Variants in HMGCLL1 observed in about 807,000 individuals in gnomAD.
HMGCLL1 encodes the protein 3-hydroxy-3-methylglutaryl-CoA lyase like 1.
Under a neutral mutation model 39.1 loss-of-function variants are expected in HMGCLL1, and 36 were observed. The ratio of observed to expected loss-of-function variants is 0.92; its 90% CI spans 0.71 to 1.22. The LOEUF is 1.22. Ranked by LOEUF, HMGCLL1 falls within the 50% of genes most tolerant of loss-of-function variation. The probability of loss-of-function intolerance (pLI) is 0.00; values close to 1 mark genes in which losing one functional copy is unlikely to be tolerated. For missense variants in HMGCLL1, 451 were observed against 416.5 expected (o/e 1.08, Z -0.72); for synonymous variants, 149 against 144.0 (o/e 1.03, Z -0.25).
chr6:55,642,985 G>A, the HMGCLL1 span, among the ~76,000 whole-genome samples: 3 of 151,960 alleles, frequency 2.0e-5, no homozygotes, highest in African/African-American at 7.2e-5. Flanking sequence ...TCTTCTTTAT[G>A]GCTGCATATT....
chr6:55,471,796 T>C (rs1343068098), intron 7 of HMGCLL1, among the ~76,000 whole-genome samples: 6 of 151,490 alleles, frequency 4.0e-5, no homozygotes, highest in Non-Finnish European at 8.9e-5. Flanking sequence ...GGTCAGAAAA[T>C]TGAACATTAG....
intron 1 of HMGCLL1, among the ~76,000 whole-genome samples, chr6:55,575,016 G>T (rs1476900719): frequency 6.6e-6 from 1 of 151,892 alleles, no homozygotes; most frequent in African/African-American, 2.4e-5. Context: ...TTGCAAAAGG[G>T]CATTAATATG....
chr6:55,625,965 C>G, the HMGCLL1 span, among the ~76,000 whole-genome samples: 1 of 152,164 alleles, frequency 6.6e-6, no homozygotes, highest in Admixed American at 6.5e-5. Flanking sequence ...TCCATGGACC[C>G]ATGAACAAAG....
At chr6:55,546,407 A>C (rs1165106774) in intron 1 of HMGCLL1, among the ~76,000 whole-genome samples, 1 of 152,074 alleles carries the variant, frequency 6.6e-6, no homozygotes, top group African/African-American at 2.4e-5. Flanking sequence ...AAACCCTCAG[A>C]GTTATCAAAA....
At chr6:55,667,655 A>G in the HMGCLL1 span, among the ~76,000 whole-genome samples, 1 of 151,822 alleles carries the variant, frequency 6.6e-6, no homozygotes, top group African/African-American at 2.4e-5. Flanking sequence ...AGAATCATAA[A>G]AAGGAAACAT....
intron 1 of HMGCLL1, among the ~76,000 whole-genome samples, chr6:55,542,845 A>G (rs1308821455): frequency 7.2e-6 from 1 of 139,180 alleles, no homozygotes; most frequent in Non-Finnish European, 1.5e-5. Flanking sequence ...TGTATTATAT[A>G]TAAATATATA....
chr6:55,471,823 T>C (rs941192359), intron 7 of HMGCLL1, among the ~76,000 whole-genome samples: 2 of 151,810 alleles, frequency 1.3e-5, no homozygotes, highest in Admixed American at 1.3e-4. Flanking sequence ...GTTCTCATGC[T>C]GCTCTCACAC....
intron 6 of HMGCLL1, among the ~76,000 whole-genome samples, chr6:55,497,899 A>T (rs938843645): frequency 5.3e-5 from 8 of 152,160 alleles, no homozygotes; most frequent in African/African-American, 1.9e-4. Context: ...AGAAAGCAAA[A>T]ACTGAGGAGG....
At chr6:55,529,989 C>G (rs1043984028) in intron 3 of HMGCLL1, among the ~76,000 whole-genome samples, 2 of 149,282 alleles carry the variant, frequency 1.3e-5, no homozygotes, top group Admixed American at 6.8e-5. Flanking sequence ...TTTTGTATTG[C>G]TCTACCAGAA....
chr6:55,628,166 G>GTATATATACTA, the HMGCLL1 span, among the ~76,000 whole-genome samples: 1 of 53,522 alleles, frequency 1.9e-5, no homozygotes, highest in African/African-American at 8.3e-5. Context: ...TATATATATA[G>GTATATATACTA]TATATATACT....
rs1296452099 is a variant in HMGCLL1 at position 55,439,591 on chromosome 6, T to C, written c.796-32A>G. ...AACAAACCAAACCACCTAAAGCTTG[T>C]GTGTTTATGGCATGTAAATTGTTGC... On this transcript the variant is annotated intron_variant, in intron 7 of 8. Transcript: ENST00000274901. 1.9e-6 allele frequency: 3 copies of C among 1,605,074 alleles called. No individual in the cohort carries two copies. In the East Asian group the frequency reaches 6.7e-5, roughly 36 times the overall value.
chr6:55,559,264 A>C (rs1364676205), intron 1 of HMGCLL1, among the ~76,000 whole-genome samples: 1 of 152,182 alleles, frequency 6.6e-6, no homozygotes, highest in African/African-American at 2.4e-5. Context: ...TAATTTGCCC[A>C]AATTTGTTTG....
chr6:55,481,197 T>C (rs551709361), intron 7 of HMGCLL1, among the ~76,000 whole-genome samples: 4 of 152,004 alleles, frequency 2.6e-5, no homozygotes, highest in African/African-American at 9.6e-5. Flanking sequence ...CCTGGGCAAC[T>C]TGTGAGACCC....
At chr6:55,553,219 G>GTA (rs1184808443) in intron 1 of HMGCLL1, among the ~76,000 whole-genome samples, 12 of 142,660 alleles carry the variant, frequency 8.4e-5, no homozygotes, top group Admixed American at 2.8e-4. Flanking sequence ...ACACATATAT[G>GTA]TATATATATA....
At chr6:55,574,918 T>A (rs553670963) in intron 1 of HMGCLL1, among the ~76,000 whole-genome samples, 1 of 152,130 alleles carries the variant, frequency 6.6e-6, no homozygotes, top group Non-Finnish European at 1.5e-5. Flanking sequence ...ATAAATTTAA[T>A]CTCACATAAT....
At chr6:55,477,533 A>G in intron 7 of HMGCLL1, among the ~76,000 whole-genome samples, 1 of 120,452 alleles carries the variant, frequency 8.3e-6, no homozygotes, top group South Asian at 2.3e-4. Flanking sequence ...TATATATATA[A>G]TATATATAAA....
At chr6:55,626,302 A>G in the HMGCLL1 span, among the ~76,000 whole-genome samples, 2 of 152,110 alleles carry the variant, frequency 1.3e-5, no homozygotes, top group Non-Finnish European at 2.9e-5. Context: ...ATCCGCTGTC[A>G]TGGTATTCCA....
the HMGCLL1 span, among the ~76,000 whole-genome samples, chr6:55,603,772 TTA>T: frequency 2.6e-5 from 4 of 152,132 alleles, no homozygotes; most frequent in African/African-American, 9.7e-5. Flanking sequence ...ATAAGCATGT[TTA>T]TGTTTCTATA....
chr6:55,605,945 A>C, the HMGCLL1 span, among the ~76,000 whole-genome samples: 1 of 152,204 alleles, frequency 6.6e-6, no homozygotes, highest in African/African-American at 2.4e-5. Flanking sequence ...AATGCAGTAC[A>C]ATTTTTCTTG....
Sources: gnomAD v4.1 joint callset for allele counts (sites outside exome capture counted in the v4.1 genomes callset) on GRCh38, gnomAD v4.1.1 for gene constraint, MANE v1.5 for transcripts, NCBI Gene and HGNC (gene_info 2026-07-23, HGNC 2026-07-21) for gene names.